Variants in PPARGC1A observed in about 807,000 individuals in gnomAD.
The protein encoded by PPARGC1A is PPARG coactivator 1 alpha.
A neutral mutation model predicts 88.7 loss-of-function variants in PPARGC1A; 25 were observed. The observed-to-expected ratio is 0.28, with a 90% CI of 0.21 to 0.39. PPARGC1A has a LOEUF of 0.39. PPARGC1A is among the 10% of genes least tolerant of loss of function. The pLI, the probability that PPARGC1A is intolerant of heterozygous loss-of-function variation, is 1.00. For synonymous variants in PPARGC1A, 363 were observed against 355.6 expected, an observed-to-expected ratio of 1.02 and a Z score of -0.24; for missense variants, 880 against 968.7, an observed-to-expected ratio of 0.91 and a Z score of 1.22.
At chr4:24,081,219 C>G in the PPARGC1A span, among the ~76,000 whole-genome samples, 2 of 152,068 alleles carry the variant, frequency 1.3e-5, no homozygotes, top group Non-Finnish European at 2.9e-5. Context: ...ACCACTTGAC[C>G]ATTTCAGTTT....
At chr4:24,320,579 A>C in the PPARGC1A span, among the ~76,000 whole-genome samples, 10 of 152,260 alleles carry the variant, frequency 6.6e-5, no homozygotes, top group Non-Finnish European at 1.5e-4. Context: ...TTGAAAATAC[A>C]GTATTTTAAC....
chr4:23,873,778 T>G (rs73097695), intron 2 of PPARGC1A, among the ~76,000 whole-genome samples: 5,964 of 152,050 alleles, frequency 0.039, 133 homozygotes, highest in Non-Finnish European at 0.05. Context: ...TAGCACTGAT[T>G]TGCACTACAA....
chr4:24,051,271 G>C, the PPARGC1A span, among the ~76,000 whole-genome samples: 4 of 150,144 alleles, frequency 2.7e-5, no homozygotes, highest in African/African-American at 9.8e-5. Context: ...ACTGACAAAT[G>C]GGAACATGAT....
chr4:24,283,989 G>A, the PPARGC1A span, among the ~76,000 whole-genome samples: 1 of 152,002 alleles, frequency 6.6e-6, no homozygotes, highest in Non-Finnish European at 1.5e-5. Context: ...TACTTAAAAG[G>A]CATACTCAGG....
intron 7 of PPARGC1A, among the ~76,000 whole-genome samples, chr4:23,823,293 A>C (rs1042683238): frequency 1.4e-4 from 21 of 151,998 alleles, no homozygotes; most frequent in Non-Finnish European, 3.1e-4. Context: ...AGTGGCTACC[A>C]TCTATAATAT....
the PPARGC1A span, among the ~76,000 whole-genome samples, chr4:24,143,025 G>C: frequency 6.6e-6 from 1 of 152,128 alleles, no homozygotes; most frequent in South Asian, 2.1e-4. Context: ...ATTACGTGGG[G>C]AACAAAGCAA....
chr4:24,358,025 T>A, the PPARGC1A span, among the ~76,000 whole-genome samples: 13 of 152,318 alleles, frequency 8.5e-5, no homozygotes, highest in East Asian at 2.5e-3. Context: ...AGAGCTAACA[T>A]TTAGGAGCAT....
At chr4:24,138,660 T>G in the PPARGC1A span, among the ~76,000 whole-genome samples, 1 of 152,178 alleles carries the variant, frequency 6.6e-6, no homozygotes, top group Non-Finnish European at 1.5e-5. Context: ...CTGCTTGTTC[T>G]TGTTAAGCAA....
the PPARGC1A span, among the ~76,000 whole-genome samples, chr4:24,442,587 G>T: frequency 0.01 from 1,528 of 152,292 alleles, 30 homozygotes; most frequent in African/African-American, 0.036. Flanking sequence ...TAATCCATTT[G>T]TTGACAGCAG....
intron 5 of PPARGC1A, among the ~76,000 whole-genome samples, chr4:23,825,788 A>G (rs1310976034): frequency 6.6e-6 from 1 of 152,200 alleles, no homozygotes; most frequent in African/African-American, 2.4e-5. Flanking sequence ...TGAAGCTCAT[A>G]TCTTCAACAA....
At chr4:24,325,801 T>A in the PPARGC1A span, among the ~76,000 whole-genome samples, 5 of 152,234 alleles carry the variant, frequency 3.3e-5, no homozygotes, top group East Asian at 9.7e-4. Context: ...CACTCCACAT[T>A]ACCTTCTTTT....
chr4:24,333,899 A>C, the PPARGC1A span, among the ~76,000 whole-genome samples: 94 of 126,898 alleles, frequency 7.4e-4, 2 homozygotes, highest in Middle Eastern at 0.01. Context: ...GTGCCACTGC[A>C]CTCCAGCCTG....
At chr4:24,434,538 C>T in the PPARGC1A span, among the ~76,000 whole-genome samples, 3 of 152,276 alleles carry the variant, frequency 2.0e-5, no homozygotes, top group East Asian at 5.8e-4. Context: ...AAATGGCGCT[C>T]GCGTGACAAA....
the PPARGC1A span, among the ~76,000 whole-genome samples, chr4:24,257,587 A>C: frequency 1.3e-5 from 2 of 152,194 alleles, no homozygotes; most frequent in Non-Finnish European, 2.9e-5. Flanking sequence ...TTGCCATTGC[A>C]TGGGTAGGAA....
intron 2 of PPARGC1A, among the ~76,000 whole-genome samples, chr4:23,833,938 G>A (rs548087598): frequency 1.3e-5 from 2 of 152,322 alleles, no homozygotes; most frequent in South Asian, 4.1e-4. Flanking sequence ...GCCAAGGCAG[G>A]AAGATCACTT....
At chr4:24,283,268 G>T in the PPARGC1A span, among the ~76,000 whole-genome samples, 43 of 152,204 alleles carry the variant, frequency 2.8e-4, no homozygotes, top group African/African-American at 1.0e-3. Context: ...CCTCCCACTG[G>T]GTTATGGCAA....
the PPARGC1A span, among the ~76,000 whole-genome samples, chr4:24,076,748 G>A: frequency 2.0e-5 from 3 of 152,124 alleles, no homozygotes; most frequent in East Asian, 3.9e-4. Context: ...GTATTACCTA[G>A]TGACGTTTGA....
chr4:23,814,524 C>G lies in PPARGC1A; in HGVS notation c.959G>C (p.Cys320Ser). ...FRASPKLKSS[C>S]KTVVPPPSKK... ...TGATGGTGGTGGCACCACAGTCTTG[C>G]AAGAGGACTTCAGCTTTGGAGAAGC... The change falls in exon 8 of 13, where the codon TGC (cysteine) becomes TCC (serine). Residue 320 changes from cysteine (C) to serine (S), a missense_variant. By Grantham distance (112) the Cys-to-Ser change is moderately radical (BLOSUM62 -1). Transcript: ENST00000264867. 2 of 1,611,668 alleles carry G rather than the reference C, an allele frequency of 1.2e-6. No homozygotes were observed. Among genetic ancestry groups the G allele is most frequent in the Non-Finnish European group, 1.7e-6 (2 of 1,179,686 alleles).
chr4:23,926,044 T>A, the PPARGC1A span, among the ~76,000 whole-genome samples: 2 of 152,192 alleles, frequency 1.3e-5, no homozygotes, highest in African/African-American at 2.4e-5. Flanking sequence ...ACTCTCTGAA[T>A]GCTGCTTCTC....
Sources: allele counts gnomAD v4.1 joint callset (sites outside exome capture counted in the v4.1 genomes callset), GRCh38; gene constraint gnomAD v4.1.1; transcripts MANE v1.5; gene names NCBI Gene and HGNC (gene_info 2026-07-23, HGNC 2026-07-21).